ROBO2: variants seen among roughly 807,000 people sequenced by gnomAD.
The protein encoded by ROBO2 is roundabout guidance receptor 2.
Under a neutral mutation model 160.8 loss-of-function variants are expected in ROBO2, and 53 were observed. The observed-to-expected ratio is 0.33, with a 90% CI of 0.26 to 0.41. ROBO2 has a LOEUF of 0.41. Among genes scored for constraint, ROBO2 ranks in the 10% least tolerant of loss-of-function variants. The pLI is 1.00. For missense variants in ROBO2, 1,577 were observed against 1,722.4 expected (o/e 0.92, Z 1.49); for synonymous variants, 664 against 611.7 (o/e 1.09, Z -1.26).
chr3:76,776,941 A>T (rs1389032430), intron 2 of ROBO2, among the ~76,000 whole-genome samples: 1 of 151,016 alleles, frequency 6.6e-6, no homozygotes, highest in Non-Finnish European at 1.5e-5. Context: ...ATTATGAGGT[A>T]ACAATTTTGC....
At chr3:76,061,121 A>G (rs1475242317) in intron 2 of ROBO2, among the ~76,000 whole-genome samples, 1 of 152,220 alleles carries the variant, frequency 6.6e-6, no homozygotes, top group African/African-American at 2.4e-5. Flanking sequence ...AATCAATGTC[A>G]AGGTGACTTC....
chr3:77,536,166 G>A (rs867373701), intron 6 of ROBO2, among the ~76,000 whole-genome samples: 1 of 152,038 alleles, frequency 6.6e-6, no homozygotes, highest in African/African-American at 2.4e-5. Flanking sequence ...ATTACTTGCC[G>A]GAGGCCTTCA....
At chr3:76,382,443 C>T (rs529634047) in intron 2 of ROBO2, among the ~76,000 whole-genome samples, 10 of 152,146 alleles carry the variant, frequency 6.6e-5, no homozygotes, top group Non-Finnish European at 1.3e-4. Flanking sequence ...AAAATATTAT[C>T]CGGGCGCGGT....
At chr3:76,834,062 T>TTTCCTTCCTTTCTTTCTTTCTTTCTTTC (rs368797764) in intron 2 of ROBO2, among the ~76,000 whole-genome samples, 4 of 88,012 alleles carry the variant, frequency 4.5e-5, no homozygotes, top group African/African-American at 1.8e-4. Context: ...CCTTTCTTTC[T>TTTCCTTCCTTTCTTTCTTTCTTTCTTTC]TTTCTTTCTT....
intron 2 of ROBO2, among the ~76,000 whole-genome samples, chr3:77,302,879 G>C (rs1198555509): frequency 6.6e-6 from 1 of 152,118 alleles, no homozygotes; most frequent in Non-Finnish European, 1.5e-5. Flanking sequence ...CAAAGTCTCA[G>C]ATGCCTTTAA....
intron 2 of ROBO2, among the ~76,000 whole-genome samples, chr3:76,650,837 A>AT (rs1395758653): frequency 6.6e-6 from 1 of 152,160 alleles, no homozygotes; most frequent in Non-Finnish European, 1.5e-5. Flanking sequence ...ATTATTTTGA[A>AT]TTTCAAGAAA....
intron 1 of ROBO2, among the ~76,000 whole-genome samples, chr3:77,063,743 C>T (rs1387137395): frequency 6.6e-6 from 1 of 152,138 alleles, no homozygotes; most frequent in Non-Finnish European, 1.5e-5. Flanking sequence ...ATCGAGATGG[C>T]CCATTTAATT....
chr3:76,744,987 C>T (rs1439098879), intron 2 of ROBO2, among the ~76,000 whole-genome samples: 2 of 152,024 alleles, frequency 1.3e-5, no homozygotes, highest in Admixed American at 6.6e-5. Context: ...CAAAGGATTC[C>T]GATCAATTAC....
At chr3:76,066,227 AACTC>A (rs1406046318) in intron 2 of ROBO2, among the ~76,000 whole-genome samples, 4 of 152,300 alleles carry the variant, frequency 2.6e-5, no homozygotes, top group South Asian at 4.1e-4. Flanking sequence ...ACATGCTAAT[AACTC>A]ACTCCATTTT....
chr3:76,993,697 G>T (rs186350750), intron 2 of ROBO2, among the ~76,000 whole-genome samples: 2 of 152,132 alleles, frequency 1.3e-5, no homozygotes, highest in African/African-American at 4.8e-5. Context: ...GATGGGAAGG[G>T]GTCCTGAGAC....
At chr3:77,001,077 C>T (rs1021834712) in intron 2 of ROBO2, among the ~76,000 whole-genome samples, 14 of 152,266 alleles carry the variant, frequency 9.2e-5, no homozygotes, top group African/African-American at 3.1e-4. Context: ...AACTCTAAAA[C>T]GGTGAATGTT....
intron 2 of ROBO2, among the ~76,000 whole-genome samples, chr3:76,223,864 A>G (rs566843501): frequency 2.0e-5 from 3 of 152,290 alleles, no homozygotes; most frequent in African/African-American, 7.2e-5. Context: ...TCTATTCCTT[A>G]GTTTTCCAAA....
chr3:76,423,215 C>G (rs2108944953), intron 2 of ROBO2, among the ~76,000 whole-genome samples: 1 of 152,276 alleles, frequency 6.6e-6, no homozygotes, highest in East Asian at 1.9e-4. Context: ...GAGGATCTCC[C>G]TGGAGAACAG....
intron 2 of ROBO2, among the ~76,000 whole-genome samples, chr3:76,760,657 C>A (rs920917766): frequency 6.6e-6 from 1 of 151,680 alleles, no homozygotes; most frequent in East Asian, 2.0e-4. Flanking sequence ...ATTTTCTACG[C>A]ATACGTTGCA....
In ROBO2 at chr3:77,634,818, A is replaced by G. The variant is rs193158337; in HGVS notation, c.3761-52A>G. The G allele has an allele frequency of 1.2e-5, 19 of 1,525,532 alleles. No individual in the cohort carries two copies. In the Admixed American group the frequency reaches 2.7e-4, roughly 21 times the overall value. 94.5% of individuals were successfully genotyped at this position (1,525,532 alleles called of 1,614,324 possible). ...TAGTGCAGAAATATAGGACAGAATC[A>G]GTGTGCTATAATGTCATTCTCTAGA... On this transcript the variant is annotated intron_variant, in intron 23 of 25. Coordinates refer to ENST00000461745, the Ensembl canonical transcript of ROBO2.
intron 2 of ROBO2, among the ~76,000 whole-genome samples, chr3:77,342,015 A>G (rs2067116676): frequency 6.6e-6 from 1 of 152,152 alleles, no homozygotes; most frequent in East Asian, 1.9e-4. Context: ...AAGAATATGC[A>G]TTAACTTCTA....
intron 2 of ROBO2, among the ~76,000 whole-genome samples, chr3:77,292,405 A>T (rs527484120): frequency 6.6e-6 from 1 of 151,964 alleles, no homozygotes; most frequent in South Asian, 2.1e-4. Context: ...ATAAAGTAAA[A>T]TTGACGGTTA....
At chr3:76,860,324 A>C (rs191789543) in intron 2 of ROBO2, among the ~76,000 whole-genome samples, 12 of 152,308 alleles carry the variant, frequency 7.9e-5, no homozygotes, top group African/African-American at 2.6e-4. Flanking sequence ...ACCACAAAAA[A>C]TGTTTTCGTA....
chr3:77,641,430 ACTGTT>A (rs2095349508), intron 24 of ROBO2, among the ~76,000 whole-genome samples: 1 of 152,188 alleles, frequency 6.6e-6, no homozygotes, highest in Non-Finnish European at 1.5e-5. Flanking sequence ...GGCTTAGCTG[ACTGTT>A]AAGGAAGCTA....
Sources: allele counts gnomAD v4.1 joint callset (sites outside exome capture counted in the v4.1 genomes callset), GRCh38; gene constraint gnomAD v4.1.1; transcripts MANE v1.5; gene names NCBI Gene and HGNC (gene_info 2026-07-23, HGNC 2026-07-21).